WDR41: variants seen among roughly 807,000 people sequenced by gnomAD.
WDR41 encodes the protein WD repeat domain 41, also known as WD repeat-containing protein 41.
WDR41 carries 63 observed loss-of-function variants against 69.3 expected under a neutral mutation model. That is an observed-to-expected ratio of 0.91 (90% CI 0.74 to 1.12). The LOEUF is 1.12. WDR41 is among the 50% of genes most tolerant of loss of function. The probability of loss-of-function intolerance (pLI) is 0.00; values close to 1 mark genes in which losing one functional copy is unlikely to be tolerated. For missense variants in WDR41, 543 were observed against 534.5 expected, an observed-to-expected ratio of 1.02 and a Z score of -0.16; for synonymous variants, 185 against 192.1, an observed-to-expected ratio of 0.96 and a Z score of 0.31.
chr5:77,431,353 A>ATGAT lies in WDR41; in HGVS notation c.*1778_*1781dup, dbSNP rs756279995. ...AGATTATGACTCGCTGAAGGCTCAG[A>ATGAT]TGATTGTTAGCATTTTTTAGCAATA... On this transcript the variant is annotated 3_prime_UTR_variant, in exon 13 of 13. Transcript: ENST00000296679. 3.7e-4 allele frequency: 56 copies of ATGAT among 152,382 alleles called. No homozygotes were observed. The highest frequency in any genetic ancestry group is 1.3e-3 in the African/African-American group (53 of 41,570). The allele number at this position is 152,382 out of a possible 1,614,324, so 9.4% of individuals were successfully genotyped here.
At chr5:77,499,056 C>A (rs11742379) in intron 1 of WDR41, among the ~76,000 whole-genome samples, 49,867 of 151,858 alleles carry the variant, frequency 0.33, 8,244 homozygotes, top group East Asian at 0.36. Context: ...ATATAAAGAA[C>A]CCTGAAAACT....
chr5:77,492,129 G>A (rs1248414472), intron 1 of WDR41, 41 bp downstream of exon 1: 60 of 1,600,636 alleles, frequency 3.7e-5, no homozygotes, highest in Non-Finnish European at 5.0e-5. Flanking sequence ...CGCCCCTCCA[G>A]CAAGCTCGAC....
At chr5:77,539,968 T>C (rs1673802230) in intron 1 of WDR41, among the ~76,000 whole-genome samples, 1 of 152,072 alleles carries the variant, frequency 6.6e-6, no homozygotes. Flanking sequence ...CAAGAGTAGG[T>C]TCTGTATAGC....
At chr5:77,490,592 CAA>C (rs34282863) in intron 1 of WDR41, among the ~76,000 whole-genome samples, 2 of 149,800 alleles carry the variant, frequency 1.3e-5, no homozygotes, top group Admixed American at 6.6e-5. Context: ...AAATGTTTTC[CAA>C]AAAAAAAACC....
intron 1 of WDR41, among the ~76,000 whole-genome samples, chr5:77,525,039 C>T (rs750268579): frequency 7.2e-5 from 11 of 152,230 alleles, no homozygotes; most frequent in African/African-American, 2.4e-4. Context: ...CCTGCACCCT[C>T]AGCCCTAGTT....
intron 1 of WDR41, among the ~76,000 whole-genome samples, chr5:77,542,276 G>A (rs191671777): frequency 6.6e-6 from 1 of 152,124 alleles, no homozygotes; most frequent in Non-Finnish European, 1.5e-5. Flanking sequence ...CCTACTGGAG[G>A]GTAAAGGGTG....
At chr5:77,540,611 TG>T (rs1333718853) in intron 1 of WDR41, 2 of 150,644 alleles carry the variant, frequency 1.3e-5, no homozygotes, top group Non-Finnish European at 2.9e-5. Flanking sequence ...GAGGATGAGG[TG>T]GGAGGATCAC....
At chr5:77,443,729 C>T (rs1029416928) in intron 8 of WDR41, among the ~76,000 whole-genome samples, 1 of 152,140 alleles carries the variant, frequency 6.6e-6, no homozygotes, top group Non-Finnish European at 1.5e-5. Flanking sequence ...AGTCACAACA[C>T]AGAATTAACC....
At chr5:77,490,441 C>T (rs1343832730) in intron 1 of WDR41, among the ~76,000 whole-genome samples, 1 of 152,116 alleles carries the variant, frequency 6.6e-6, no homozygotes, top group African/African-American at 2.4e-5. Context: ...AGTTGAGAAC[C>T]ACTGCTTAAA....
intron 2 of WDR41, among the ~76,000 whole-genome samples, chr5:77,469,631 CATT>C (rs1441788088): frequency 6.6e-6 from 1 of 151,926 alleles, no homozygotes; most frequent in Non-Finnish European, 1.5e-5. Flanking sequence ...TGCCTGAAGT[CATT>C]ATTACATTTA....
chr5:77,434,472 C>T (rs1003045772), intron 12 of WDR41, among the ~76,000 whole-genome samples: 1 of 151,770 alleles, frequency 6.6e-6, no homozygotes, highest in African/African-American at 2.4e-5. Context: ...AGAGGGGTTG[C>T]GCCAGTAGAG....
intron 2 of WDR41, among the ~76,000 whole-genome samples, chr5:77,468,865 T>A (rs1485191955): frequency 3.9e-5 from 6 of 152,104 alleles, no homozygotes; most frequent in Non-Finnish European, 8.8e-5. Flanking sequence ...AGACGCAGGA[T>A]CTAAATAAGG....
chr5:77,474,875 G>T (rs904828253), intron 2 of WDR41, among the ~76,000 whole-genome samples: 1 of 152,294 alleles, frequency 6.6e-6, no homozygotes, highest in East Asian at 1.9e-4. Context: ...CGCAGAAGAC[G>T]GGTGATTTCT....
chr5:77,615,941 C>G (rs549909160), intron 1 of WDR41, among the ~76,000 whole-genome samples: 5 of 151,728 alleles, frequency 3.3e-5, no homozygotes, highest in Admixed American at 1.3e-4. Context: ...TGCAGTGAGG[C>G]GAGATCACAC....
intron 10 of WDR41, 152 bp downstream of exon 10, chr5:77,438,088 T>C: frequency 9.1e-7 from 1 of 1,100,338 alleles, no homozygotes; most frequent in South Asian, 1.5e-5. Flanking sequence ...TACCCTTCTG[T>C]TAGAGACAGC....
At chr5:77,587,333 A>G (rs1744059359) in intron 1 of WDR41, among the ~76,000 whole-genome samples, 1 of 152,178 alleles carries the variant, frequency 6.6e-6, no homozygotes, top group Non-Finnish European at 1.5e-5. Flanking sequence ...GTGCATATGT[A>G]TAAACACACA....
chr5:77,598,767 C>T (rs1223302580), intron 1 of WDR41, among the ~76,000 whole-genome samples: 4 of 150,302 alleles, frequency 2.7e-5, no homozygotes, highest in Non-Finnish European at 4.4e-5. Context: ...TTTGCACAGA[C>T]AATTATGGTT....
rs556171963 is a variant in WDR41 at position 77,529,698 on chromosome 5, G to A, written c.43-40126C>T. On this transcript the variant is annotated intron_variant, in intron 1 of 5. Transcript: ENST00000509971. ...ACAGATCAATGAGAGAAAATGGAGA[G>A]TTAAGAAGCAAATCCAGGCATAAAT... 1.5e-4 allele frequency among the ~76,000 whole-genome samples: 23 copies of A among 151,564 alleles called. No homozygotes were observed. The South Asian group carries it at 4.8e-3, about 31-fold the overall frequency.
intron 1 of WDR41, among the ~76,000 whole-genome samples, chr5:77,608,951 G>T (rs568535473): frequency 5.9e-5 from 9 of 152,314 alleles, no homozygotes; most frequent in East Asian, 1.9e-4. Context: ...ACTCCCACCC[G>T]AATACTGCGC....
Sources: allele counts gnomAD v4.1 joint callset (sites outside exome capture counted in the v4.1 genomes callset), GRCh38; gene constraint gnomAD v4.1.1; transcripts MANE v1.5; gene names NCBI Gene and HGNC (gene_info 2026-07-23, HGNC 2026-07-21).